BOC: variants seen among roughly 807,000 people sequenced by gnomAD.
BOC encodes the protein brother of CDO.
BOC carries 76 observed loss-of-function variants against 112.0 expected under a neutral mutation model. The ratio of observed to expected loss-of-function variants is 0.68; its 90% CI spans 0.56 to 0.82. BOC has a LOEUF of 0.82. Ranked by LOEUF, BOC falls within the 40% of genes least tolerant of loss-of-function variation. The pLI is 0.00. For missense variants in BOC, 1,309 were observed against 1,511.7 expected, an observed-to-expected ratio of 0.87 and a Z score of 2.22; for synonymous variants, 580 against 599.8, an observed-to-expected ratio of 0.97 and a Z score of 0.48.
intron 2 of BOC, among the ~76,000 whole-genome samples, chr3:113,224,779 C>T (rs1194509641): frequency 6.6e-6 from 1 of 152,028 alleles, no homozygotes; most frequent in African/African-American, 2.4e-5. Context: ...GCCAACGTGG[C>T]GAAACCCCAT....
intron 2 of BOC, among the ~76,000 whole-genome samples, chr3:113,242,440 C>T (rs993506807): frequency 4.6e-5 from 7 of 152,080 alleles, no homozygotes; most frequent in East Asian, 1.9e-4. Flanking sequence ...GAGGATTAGA[C>T]GTGTTTTAGC....
At chr3:113,282,215 T>A (rs902882505) in intron 15 of BOC, among the ~76,000 whole-genome samples, 4 of 151,734 alleles carry the variant, frequency 2.6e-5, no homozygotes, top group African/African-American at 9.7e-5. Flanking sequence ...GGCTGTGAGG[T>A]GGAGGAGGGC....
intron 2 of BOC, among the ~76,000 whole-genome samples, chr3:113,218,149 A>G (rs1321826572): frequency 6.6e-6 from 1 of 152,200 alleles, no homozygotes; most frequent in Non-Finnish European, 1.5e-5. Flanking sequence ...ACAGGTGAGG[A>G]AAGCGGAGCC....
Position 113,279,384 on chromosome 3 carries a change from G to A in BOC, c.1952G>A (p.Gly651Glu), listed in dbSNP as rs1265789608. 2 of 1,614,222 alleles carry A rather than the reference G, an allele frequency of 1.2e-6. No individual in the cohort carries two copies. Among genetic ancestry groups the A allele is most frequent in the Non-Finnish European group, 1.7e-6 (2 of 1,180,038 alleles). ...GAGTACAAGAAGCTAAAGAAAGTGG[G>A]AGACTGGATTCTGGCCACCAGCGCC... ...RVEYKKLKKVGDWILATSAIP... is the reference protein window; with the variant it reads ...RVEYKKLKKVEDWILATSAIP... The change falls in exon 12 of 20, where the codon GGA (glycine) becomes GAA (glutamate). Residue 651 changes from glycine to glutamate, a missense_variant. Coordinates refer to ENST00000682979, the MANE Select transcript of BOC (RefSeq NM_001378074.1).
chr3:113,216,836 C>T (rs992992240), intron 2 of BOC, among the ~76,000 whole-genome samples: 3 of 152,118 alleles, frequency 2.0e-5, no homozygotes, highest in Admixed American at 6.5e-5. Flanking sequence ...CACAGTTAAC[C>T]TAATTCAGTT....
At position 113,284,449 on chromosome 3, in the gene BOC, G is replaced by A; in HGVS notation, c.2771G>A (p.Ser924Asn). The A allele has an allele frequency of 6.2e-7, 1 of 1,614,254 alleles. No homozygotes were observed. Among genetic ancestry groups the A allele is most frequent in the Non-Finnish European group, 8.5e-7 (1 of 1,180,036 alleles). ...GHQASGQPYL[S>N]GISGRACANG... ...CAGGCCAGTGGACAGCCCTACCTCA[G>A]TGGCATCAGTGGACGGGCCTGTGCT... is the stretch of plus-strand genomic sequence containing the variant. Residue 924 changes from serine (S) to asparagine (N), a missense_variant, in exon 17 of 20, where the codon AGT becomes AAT. By Grantham distance (46) the Ser-to-Asn change is conservative. Coordinates refer to ENST00000682979, the MANE Select transcript of BOC (RefSeq NM_001378074.1).
intron 4 of BOC, among the ~76,000 whole-genome samples, chr3:113,263,757 A>G (rs1343821316): frequency 1.3e-5 from 2 of 152,268 alleles, no homozygotes. Flanking sequence ...AAGGAAAGAT[A>G]GAGACTAGAA....
intron 4 of BOC, 171 bp downstream of exon 4, chr3:113,251,004 A>G: frequency 1.2e-6 from 1 of 838,762 alleles, no homozygotes. Flanking sequence ...GTGATGGGGG[A>G]CCCTTGTGCC....
At position 113,284,765 on chromosome 3, in the gene BOC, CTCT is replaced by C; in HGVS notation, c.2890-14_2890-12del. ...ACTCCCCGGCGTGGCCGTCTCATTA[CTCT>C]TCCTTTTGAGCAGCAGAGTGACACC... On this transcript the variant is annotated splice_polypyrimidine_tract_variant and intron_variant, in intron 17 of 19. Coordinates refer to ENST00000682979, the MANE Select transcript of BOC (RefSeq NM_001378074.1). 1 of 1,613,740 alleles carries C rather than the reference CTCT, an allele frequency of 6.2e-7. No homozygotes were observed. The highest frequency in any genetic ancestry group is 8.5e-7 in the Non-Finnish European group (1 of 1,179,584).
chr3:113,228,050 G>A (rs1178938658), intron 2 of BOC, among the ~76,000 whole-genome samples: 1 of 152,160 alleles, frequency 6.6e-6, no homozygotes, highest in African/African-American at 2.4e-5. Context: ...TTTGATTTGC[G>A]ATTGTTCCCT....
chr3:113,233,932 G>C (rs979053262), intron 2 of BOC, among the ~76,000 whole-genome samples: 1 of 151,618 alleles, frequency 6.6e-6, no homozygotes, highest in African/African-American at 2.4e-5. Context: ...AGACACTCAC[G>C]TATCACCTTC....
At chr3:113,236,266 GTATATATACCCATGGGTATATATATA>G (rs1943463037) in intron 2 of BOC, among the ~76,000 whole-genome samples, 1 of 52,590 alleles carries the variant, frequency 1.9e-5, no homozygotes, top group African/African-American at 6.2e-5. Flanking sequence ...GTGTGTGTGT[GTATATATACCCATGGGTATATATATA>G]TATATATATA....
rs1046584832 is a variant in BOC at position 113,287,221 on chromosome 3, C to T, written c.*359C>T. ...AGGATCCCAGGCACATGGTTCATCA[C>T]GAGCATGAGGGAACAGCAAGGGGCA... On this transcript the variant is annotated 3_prime_UTR_variant, in exon 20 of 20. Transcript: ENST00000682979. 8.1e-6 allele frequency: 3 copies of T among 371,646 alleles called. No individual in the cohort carries two copies. The highest frequency in any genetic ancestry group is 2.1e-5 in the African/African-American group (1 of 46,760). 23.0% of individuals were successfully genotyped at this position (371,646 alleles called of 1,614,324 possible).
At chr3:113,244,893 A>T (rs2649876) in intron 2 of BOC, among the ~76,000 whole-genome samples, 150,153 of 152,358 alleles carry the variant, frequency 0.99, 74,030 homozygotes, top group Middle Eastern at 1. Flanking sequence ...AGTTGATTAA[A>T]GTGGCTCCAG....
chr3:113,284,684 T>C, intron 17 of BOC, 98 bp from the exon 18 acceptor site: 1 of 1,525,094 alleles, frequency 6.6e-7, no homozygotes, highest in Non-Finnish European at 9.1e-7. Context: ...GGCCAGGCTT[T>C]CTTTAGTCAG....
intron 2 of BOC, among the ~76,000 whole-genome samples, chr3:113,237,321 C>T (rs991689574): frequency 2.6e-5 from 4 of 152,182 alleles, no homozygotes; most frequent in African/African-American, 4.8e-5. Flanking sequence ...CTGCCCTTCT[C>T]ATGCTCTTTT....
At chr3:113,267,297 A>G (rs1449846826) in intron 4 of BOC, among the ~76,000 whole-genome samples, 1 of 152,218 alleles carries the variant, frequency 6.6e-6, no homozygotes, top group Non-Finnish European at 1.5e-5. Flanking sequence ...ACTCAGCAAC[A>G]TGAGTGATTT....
At chr3:113,250,417 A>C in intron 3 of BOC, 138 bp from the exon 4 acceptor site, 1 of 963,682 alleles carries the variant, frequency 1.0e-6, no homozygotes, top group Middle Eastern at 3.3e-4. Flanking sequence ...GGAAATGGAC[A>C]AGAGCAGTAG....
intron 13 of BOC, 94 bp from the exon 14 acceptor site, chr3:113,280,464 C>G: frequency 1.2e-6 from 1 of 853,524 alleles, no homozygotes; most frequent in South Asian, 1.5e-5. Flanking sequence ...AATTCAAACT[C>G]TGGACTGGGG....
Sources: allele counts gnomAD v4.1 joint callset (sites outside exome capture counted in the v4.1 genomes callset), GRCh38; gene constraint gnomAD v4.1.1; transcripts MANE v1.5; gene names NCBI Gene and HGNC (gene_info 2026-07-23, HGNC 2026-07-21).